CHCHD6: variants seen among roughly 807,000 people sequenced by gnomAD.
CHCHD6 encodes coiled-coil-helix-coiled-coil-helix domain containing 6.
CHCHD6 carries 28 observed loss-of-function variants against 32.3 expected under a neutral mutation model. The ratio of observed to expected loss-of-function variants is 0.87; its 90% confidence interval spans 0.64 to 1.19. CHCHD6 has a LOEUF of 1.19. CHCHD6 is among the 50% of genes most tolerant of loss of function. The pLI, the probability that CHCHD6 is intolerant of heterozygous loss-of-function variation, is 0.00. For synonymous variants in CHCHD6, 122 were observed against 117.5 expected (o/e 1.04, Z -0.25); for missense variants, 333 against 307.0 (o/e 1.08, Z -0.63).
intron 4 of CHCHD6, among the ~76,000 whole-genome samples, chr3:126,793,500 C>T (rs530342445): frequency 9.9e-5 from 15 of 152,238 alleles, no homozygotes; most frequent in African/African-American, 3.6e-4. Flanking sequence ...CCAATTACAT[C>T]CCTTTCCCCT....
At chr3:126,933,282 G>A (rs1418088187) in intron 6 of CHCHD6, among the ~76,000 whole-genome samples, 1 of 152,150 alleles carries the variant, frequency 6.6e-6, no homozygotes, top group Non-Finnish European at 1.5e-5. Context: ...CTGGTAGGCT[G>A]GGTCCTCAAC....
intron 5 of CHCHD6, among the ~76,000 whole-genome samples, chr3:126,868,069 C>G (rs1942348758): frequency 6.6e-6 from 1 of 152,234 alleles, no homozygotes; most frequent in Non-Finnish European, 1.5e-5. Flanking sequence ...CGCAAGGTCA[C>G]CTGGCAAGCC....
chr3:126,718,062 A>T (rs79363700), intron 1 of CHCHD6, among the ~76,000 whole-genome samples: 3,913 of 152,230 alleles, frequency 0.026, 70 homozygotes, highest in Non-Finnish European at 0.037. Flanking sequence ...GGGCAGGTTC[A>T]GGTTTGAGCC....
At chr3:126,731,476 C>G (rs1935802615) in intron 3 of CHCHD6, among the ~76,000 whole-genome samples, 1 of 152,160 alleles carries the variant, frequency 6.6e-6, no homozygotes. Flanking sequence ...AAGAAGAGTA[C>G]TTCTTTAATT....
Position 126,727,011 on chromosome 3 carries a change from A to G in CHCHD6, c.88-67A>G, listed in dbSNP as rs1935563343. ...CAGTAAATCTGGGGCCTGAATAAAG[A>G]GGAGGCTTTGCTTCCAGGCACTTCT... On this transcript the variant is annotated intron_variant, in intron 1 of 7. Coordinates refer to ENST00000290913, the MANE Select transcript of CHCHD6 (RefSeq NM_032343.3). 68 of 1,085,896 alleles carry G rather than the reference A, an allele frequency of 6.3e-5. No individual in the cohort carries two copies. In the South Asian group the frequency reaches 7.9e-4, roughly 13 times the overall value. The allele number at this position is 1,085,896 out of a possible 1,614,324, so 67.3% of individuals were successfully genotyped here.
At chr3:126,862,173 CACCTCCTCCTCCACCATCACA>C (rs1941926570) in intron 5 of CHCHD6, among the ~76,000 whole-genome samples, 7 of 88,176 alleles carry the variant, frequency 7.9e-5, no homozygotes, top group African/African-American at 1.1e-4. Context: ...CCACCATCAC[CACCTCCTCCTCCACCATCACA>C]ACCGCCTCCT....
At chr3:126,906,887 G>C (rs1423323240) in intron 5 of CHCHD6, among the ~76,000 whole-genome samples, 1 of 152,208 alleles carries the variant, frequency 6.6e-6, no homozygotes, top group African/African-American at 2.4e-5. Context: ...GTTCAGGGAA[G>C]GGGGAGTCAT....
chr3:126,941,163 A>G (rs2107603159), intron 6 of CHCHD6, among the ~76,000 whole-genome samples: 1 of 152,356 alleles, frequency 6.6e-6, no homozygotes, highest in East Asian at 1.9e-4. Flanking sequence ...ATTTTCTGCC[A>G]TTAAATTGTT....
At chr3:126,872,762 C>G (rs1048986206) in intron 5 of CHCHD6, among the ~76,000 whole-genome samples, 3 of 152,176 alleles carry the variant, frequency 2.0e-5, no homozygotes, top group Non-Finnish European at 4.4e-5. Flanking sequence ...TCTTTTAGAA[C>G]CAAGGGGCAA....
intron 5 of CHCHD6, among the ~76,000 whole-genome samples, chr3:126,869,650 A>T: frequency 6.6e-6 from 1 of 151,814 alleles, no homozygotes; most frequent in East Asian, 1.9e-4. Context: ...AATTTTTAGG[A>T]CTTCTTTATA....
chr3:126,750,515 C>G (rs1576370938), intron 4 of CHCHD6, among the ~76,000 whole-genome samples: 1 of 152,246 alleles, frequency 6.6e-6, no homozygotes, highest in Non-Finnish European at 1.5e-5. Flanking sequence ...CGACTCCCTC[C>G]TGGGAATTGC....
At chr3:126,752,069 G>A (rs1421537251) in intron 4 of CHCHD6, among the ~76,000 whole-genome samples, 1 of 152,172 alleles carries the variant, frequency 6.6e-6, no homozygotes, top group East Asian at 1.9e-4. Context: ...GTGTGAGTAG[G>A]GGCACTCTAG....
intron 6 of CHCHD6, among the ~76,000 whole-genome samples, chr3:126,944,228 C>A (rs1410251278): frequency 6.6e-6 from 1 of 152,226 alleles, no homozygotes; most frequent in African/African-American, 2.4e-5. Flanking sequence ...GCCTGTTCAG[C>A]CAGGGGCTGG....
chr3:126,778,585 TC>T (rs772053053), intron 4 of CHCHD6, among the ~76,000 whole-genome samples: 3 of 152,216 alleles, frequency 2.0e-5, no homozygotes, highest in Non-Finnish European at 2.9e-5. Context: ...TCTATTCAGA[TC>T]CTTTGTCCAT....
At chr3:126,922,155 T>C (rs1207383141) in intron 6 of CHCHD6, among the ~76,000 whole-genome samples, 1 of 152,250 alleles carries the variant, frequency 6.6e-6, no homozygotes, top group East Asian at 1.9e-4. Flanking sequence ...CTAATCAAAA[T>C]TTAGTTAATT....
rs1365764330 is a variant in CHCHD6 at position 126,930,804 on chromosome 3, G to A, written c.566+16054G>A. Among the ~76,000 whole-genome samples, 3 of 152,212 alleles carry A rather than the reference G, an allele frequency of 2.0e-5. No homozygotes were observed. In the Middle Eastern group the frequency reaches 9.5e-3, roughly 482 times the overall value. ...TCCGAAGCTCTTATCTCCTTTAGAA[G>A]CAAAACAAGAGGTGCTGTTTCAGCA... On this transcript the variant is annotated intron_variant, in intron 6 of 7. Transcript: ENST00000290913.
At chr3:126,744,737 G>T (rs1936421448) in intron 4 of CHCHD6, among the ~76,000 whole-genome samples, 1 of 152,012 alleles carries the variant, frequency 6.6e-6, no homozygotes, top group African/African-American at 2.4e-5. Context: ...ACCCAGGCTG[G>T]AGTGCAGTGG....
chr3:126,831,445 G>A (rs1342674905), intron 4 of CHCHD6, among the ~76,000 whole-genome samples: 1 of 152,166 alleles, frequency 6.6e-6, no homozygotes, highest in Non-Finnish European at 1.5e-5. Flanking sequence ...GTGCTGTATT[G>A]CAATTAGTTT....
At chr3:126,953,044 G>A in intron 6 of CHCHD6, 1 of 985,496 alleles carries the variant, frequency 1.0e-6, no homozygotes, top group Non-Finnish European at 1.2e-6. Context: ...GCGTTACTGA[G>A]CATGTTCTGA....
Sources: allele counts gnomAD v4.1 joint callset (sites outside exome capture counted in the v4.1 genomes callset), GRCh38; gene constraint gnomAD v4.1.1; transcripts MANE v1.5; gene names NCBI Gene and HGNC (gene_info 2026-07-23, HGNC 2026-07-21).